DLG2: variants seen among roughly 807,000 people sequenced by gnomAD.
DLG2 encodes discs large MAGUK scaffold protein 2, also known as disks large homolog 2.
Under a neutral mutation model 132.5 loss-of-function variants are expected in DLG2, and 45 were observed. That is an observed-to-expected ratio of 0.34 (90% CI 0.27 to 0.44). DLG2 has a LOEUF of 0.44. DLG2 is among the 20% of genes least tolerant of loss of function. The pLI, the probability that DLG2 is intolerant of heterozygous loss-of-function variation, is 1.00. For missense variants in DLG2, 1,045 were observed against 1,196.9 expected (o/e 0.87, Z 1.87); for synonymous variants, 424 against 419.6 (o/e 1.01, Z -0.13).
intron 5 of DLG2, among the ~76,000 whole-genome samples, chr11:85,119,207 T>C (rs1331305230): frequency 1.3e-5 from 2 of 152,084 alleles, no homozygotes; most frequent in Non-Finnish European, 2.9e-5. Flanking sequence ...TCTGAAATAC[T>C]GCAGCAATTT....
At chr11:84,854,107 T>C (rs555815511) in intron 6 of DLG2, among the ~76,000 whole-genome samples, 2 of 152,090 alleles carry the variant, frequency 1.3e-5, no homozygotes, top group Admixed American at 1.3e-4. Context: ...ATGAGGTGAA[T>C]TGGGTTCCAG....
chr11:84,698,709 A>G (rs1223151288), intron 6 of DLG2, among the ~76,000 whole-genome samples: 1 of 151,586 alleles, frequency 6.6e-6, no homozygotes, highest in African/African-American at 2.4e-5. Flanking sequence ...TTAATGACAT[A>G]TATAAGAATC....
intron 4 of DLG2, among the ~76,000 whole-genome samples, chr11:85,273,259 C>A (rs1411754510): frequency 6.6e-6 from 1 of 152,112 alleles, no homozygotes; most frequent in Non-Finnish European, 1.5e-5. Context: ...CAAATGGGAT[C>A]TAATTAAACT....
rs776354298 is a variant in DLG2 at position 83,786,715 on chromosome 11, C to T, written c.1800G>A (p.Thr600=). The change falls in exon 18 of 28, where the codon ACG becomes ACA. Residue 600 remains threonine (T), a synonymous_variant. Transcript: ENST00000376104. ...CTTCAGGTTGATATTGTGCTATAAT[C>T]GTCACTGTCTGTCCAGCCCCCTTTA... is the stretch of plus-strand genomic sequence containing the variant. ...AALKGAGQTV[T]IIAQYQPEDY... 6.2e-6 allele frequency: 10 copies of T among 1,614,006 alleles called. No individual in the cohort carries two copies. The highest frequency in any genetic ancestry group is 2.2e-5 in the East Asian group (1 of 44,890).
chr11:84,172,179 A>C (rs2095840034), intron 8 of DLG2, among the ~76,000 whole-genome samples: 1 of 152,232 alleles, frequency 6.6e-6, no homozygotes, highest in Admixed American at 6.5e-5. Flanking sequence ...AACCTGTTTT[A>C]ATGTAAGGTA....
chr11:83,907,815 T>C (rs993273121), intron 15 of DLG2, among the ~76,000 whole-genome samples: 6 of 152,166 alleles, frequency 3.9e-5, no homozygotes, highest in Non-Finnish European at 5.9e-5. Context: ...CCATTTTATA[T>C]ACAGTTCTAG....
chr11:84,605,279 C>T (rs998000165), intron 6 of DLG2, among the ~76,000 whole-genome samples: 1 of 151,808 alleles, frequency 6.6e-6, no homozygotes, highest in Admixed American at 6.6e-5. Flanking sequence ...CCTTAGCATG[C>T]ATTTTTAGAA....
chr11:84,460,384 A>G (rs2099077284), intron 7 of DLG2, among the ~76,000 whole-genome samples: 1 of 150,282 alleles, frequency 6.7e-6, no homozygotes, highest in African/African-American at 2.4e-5. Flanking sequence ...TTCATCAAGC[A>G]AACAAATGAA....
At chr11:85,201,441 C>T (rs1595338169) in intron 4 of DLG2, among the ~76,000 whole-genome samples, 1 of 151,950 alleles carries the variant, frequency 6.6e-6, no homozygotes. Flanking sequence ...CCAGCTTTCC[C>T]ACACAGCCCT....
intron 6 of DLG2, among the ~76,000 whole-genome samples, chr11:85,014,836 T>A (rs117708290): frequency 1.3e-5 from 2 of 152,140 alleles, no homozygotes; most frequent in East Asian, 3.9e-4. Flanking sequence ...AAAATCAAAT[T>A]ACTTTAGGAA....
At chr11:85,600,874 G>A (rs988261676) in intron 2 of DLG2, among the ~76,000 whole-genome samples, 1 of 152,160 alleles carries the variant, frequency 6.6e-6, no homozygotes, top group African/African-American at 2.4e-5. Context: ...TAAATTATTA[G>A]TATTTACTTT....
chr11:85,473,117 GC>G (rs1417480662), intron 3 of DLG2, among the ~76,000 whole-genome samples: 2 of 152,236 alleles, frequency 1.3e-5, no homozygotes, highest in Non-Finnish European at 2.9e-5. Flanking sequence ...CTCACACAGA[GC>G]TGGCACCTGA....
chr11:85,579,523 A>C (rs1240327841), intron 3 of DLG2, among the ~76,000 whole-genome samples: 1 of 152,202 alleles, frequency 6.6e-6, no homozygotes, highest in Non-Finnish European at 1.5e-5. Flanking sequence ...AATGCTCCTG[A>C]AAATAAAAAT....
chr11:84,698,518 G>C (rs1363797577), intron 6 of DLG2, among the ~76,000 whole-genome samples: 1 of 151,442 alleles, frequency 6.6e-6, no homozygotes, highest in Non-Finnish European at 1.5e-5. Context: ...CGACTTTTTG[G>C]TATAAGTAAT....
At chr11:83,706,423 A>T (rs767183309) in intron 18 of DLG2, among the ~76,000 whole-genome samples, 8 of 152,126 alleles carry the variant, frequency 5.3e-5, no homozygotes, top group Non-Finnish European at 1.2e-4. Flanking sequence ...CAAAGATATT[A>T]TAGGGGGAAT....
chr11:85,281,172 G>A (rs1446791960), intron 4 of DLG2, among the ~76,000 whole-genome samples: 2 of 152,014 alleles, frequency 1.3e-5, no homozygotes, highest in Non-Finnish European at 2.9e-5. Context: ...AAAACGGTAG[G>A]TGAAACTTGT....
intron 6 of DLG2, among the ~76,000 whole-genome samples, chr11:85,077,773 T>C (rs1181828898): frequency 2.0e-5 from 3 of 152,094 alleles, no homozygotes; most frequent in African/African-American, 4.8e-5. Context: ...AAGTTCTTTT[T>C]TCCTGCGTTA....
intron 18 of DLG2, among the ~76,000 whole-genome samples, chr11:83,640,156 A>T (rs963013059): frequency 3.9e-5 from 6 of 152,180 alleles, no homozygotes; most frequent in African/African-American, 1.4e-4. Flanking sequence ...CAAGCAACAG[A>T]GACTGCTTTC....
intron 6 of DLG2, among the ~76,000 whole-genome samples, chr11:84,903,580 T>G (rs897059813): frequency 1.2e-4 from 18 of 152,188 alleles, no homozygotes; most frequent in Non-Finnish European, 1.5e-4. Context: ...AATCAAGTAA[T>G]GTACACATAT....
Sources: gnomAD v4.1 joint callset for allele counts (sites outside exome capture counted in the v4.1 genomes callset) on GRCh38, gnomAD v4.1.1 for gene constraint, MANE v1.5 for transcripts, NCBI Gene and HGNC (gene_info 2026-07-23, HGNC 2026-07-21) for gene names.